HKDC1: variants seen among roughly 807,000 people sequenced by gnomAD.
HKDC1 encodes hexokinase domain containing 1, also known as hexokinase HKDC1.
A neutral mutation model predicts 96.6 loss-of-function variants in HKDC1; 66 were observed. The observed-to-expected ratio is 0.68, with a 90% CI of 0.56 to 0.84. HKDC1 has a LOEUF of 0.84. Among genes scored for constraint, HKDC1 ranks in the 40% least tolerant of loss-of-function variants. HKDC1 has a pLI of 0.00. For missense variants in HKDC1, 1,211 were observed against 1,208.1 expected (o/e 1.00, Z -0.04); for synonymous variants, 466 against 473.1 (o/e 0.98, Z 0.20).
chr10:69,263,368 G>A (rs1210715611), intron 16 of HKDC1, among the ~76,000 whole-genome samples: 1 of 152,102 alleles, frequency 6.6e-6, no homozygotes, highest in Non-Finnish European at 1.5e-5. Context: ...CAAAGTGGTA[G>A]GATTACAGGC....
chr10:69,249,843 G>T (rs1015242646), intron 10 of HKDC1, among the ~76,000 whole-genome samples: 1 of 152,186 alleles, frequency 6.6e-6, no homozygotes, highest in African/African-American at 2.4e-5. Context: ...TTGACTGGAT[G>T]CCCTGTACCG....
At position 69,227,291 on chromosome 10, in the gene HKDC1, G is replaced by A. The variant is rs915524808; in HGVS notation, c.148G>A (p.Gly50Ser). Residue 50 changes from glycine (G) to serine (S), a missense_variant, in exon 2 of 18, where the codon GGC (glycine) becomes AGC (serine). Gly to Ser is a moderately conservative substitution (Grantham distance 56). Transcript: ENST00000354624. Reference protein sequence around the residue: ...MRRFRAEMEKGLAKDTNPTAA... With the variant: ...MRRFRAEMEKSLAKDTNPTAA... ...GCGGTTCCGGGCTGAGATGGAGAAG[G>A]GCCTGGCAAAGGACACCAACCCCAC... is the stretch of plus-strand genomic sequence containing the variant. 1.2e-6 allele frequency: 2 copies of A among 1,614,058 alleles called. No individual in the cohort carries two copies. Among genetic ancestry groups the A allele is most frequent in the African/African-American group, 2.7e-5 (2 of 74,908 alleles).
intron 1 of HKDC1, among the ~76,000 whole-genome samples, chr10:69,225,490 T>C (rs1843141476): frequency 6.6e-6 from 1 of 152,130 alleles, no homozygotes; most frequent in African/African-American, 2.4e-5. Context: ...AAAGCTCAAT[T>C]GTCCTTTTTT....
intron 7 of HKDC1, 71 bp downstream of exon 7, chr10:69,243,436 C>G: frequency 7.5e-7 from 1 of 1,332,642 alleles, no homozygotes; most frequent in African/African-American, 1.5e-5. Flanking sequence ...CCCCTGGCTA[C>G]CTGGGAGGCT....
At chr10:69,234,484 G>T (rs117628047) in intron 4 of HKDC1, among the ~76,000 whole-genome samples, 2,863 of 152,318 alleles carry the variant, frequency 0.019, 72 homozygotes, top group South Asian at 0.084. Context: ...CAAACTCCTG[G>T]GTTTAAGTAA....
chr10:69,221,229 G>A (rs962453361), intron 1 of HKDC1, among the ~76,000 whole-genome samples: 5 of 152,182 alleles, frequency 3.3e-5, no homozygotes, highest in Non-Finnish European at 5.9e-5. Flanking sequence ...GAAGGTGTGA[G>A]TTGCAATAGA....
At chr10:69,230,761 A>C in intron 2 of HKDC1, among the ~76,000 whole-genome samples, 1 of 152,160 alleles carries the variant, frequency 6.6e-6, no homozygotes, top group East Asian at 1.9e-4. Context: ...CTACAGGTGC[A>C]TGCCACTACG....
At chr10:69,237,277 T>TTGTG (rs71035080) in intron 4 of HKDC1, among the ~76,000 whole-genome samples, 26,940 of 144,914 alleles carry the variant, frequency 0.19, 2,571 homozygotes, top group South Asian at 0.3. Flanking sequence ...AGAAATTTCT[T>TTGTG]TGTGTGTGTG....
intron 12 of HKDC1, 135 bp downstream of exon 12, chr10:69,250,787 G>C (rs1843630062): frequency 1.1e-6 from 1 of 919,926 alleles, no homozygotes; most frequent in Non-Finnish European, 1.6e-6. Flanking sequence ...ACACATGATA[G>C]AGAATTTCAA....
At chr10:69,250,208 C>A in intron 10 of HKDC1, 82 bp from the exon 11 acceptor site, 1 of 1,501,244 alleles carries the variant, frequency 6.7e-7, no homozygotes, top group Non-Finnish European at 9.1e-7. Flanking sequence ...TGGGTCCGCT[C>A]TGCTCCGACG....
At chr10:69,248,027 C>T (rs1407212981) in intron 9 of HKDC1, among the ~76,000 whole-genome samples, 1 of 152,168 alleles carries the variant, frequency 6.6e-6, no homozygotes, top group Admixed American at 6.5e-5. Context: ...GGTAGGAAAA[C>T]ACAGGGAAAT....
intron 4 of HKDC1, among the ~76,000 whole-genome samples, chr10:69,233,669 C>T (rs575905685): frequency 9.3e-5 from 14 of 150,852 alleles, no homozygotes; most frequent in Admixed American, 5.9e-4. Flanking sequence ...GAGGCCGAGG[C>T]GGGCGGATCA....
At chr10:69,227,118 C>T in intron 1 of HKDC1, 89 bp from the exon 2 acceptor site, 30 of 1,424,136 alleles carry the variant, frequency 2.1e-5, no homozygotes, top group Non-Finnish European at 2.8e-5. Context: ...GTCAGGAATG[C>T]AGCTTGCTGA....
intron 2 of HKDC1, among the ~76,000 whole-genome samples, chr10:69,228,725 G>A (rs1589402647): frequency 6.6e-6 from 1 of 152,132 alleles, no homozygotes. Flanking sequence ...AATTAGCCAG[G>A]TGTGATGGCA....
chr10:69,237,277 T>TTGTCTGTGTGTGTG (rs377104081), intron 4 of HKDC1, among the ~76,000 whole-genome samples: 3 of 145,598 alleles, frequency 2.1e-5, no homozygotes, highest in Non-Finnish European at 4.5e-5. Flanking sequence ...AGAAATTTCT[T>TTGTCTGTGTGTGTG]TGTGTGTGTG....
At chr10:69,252,600 G>A (rs537561637) in intron 12 of HKDC1, among the ~76,000 whole-genome samples, 3 of 149,166 alleles carry the variant, frequency 2.0e-5, no homozygotes, top group Non-Finnish European at 3.0e-5. Flanking sequence ...AGCTGAGATC[G>A]TGCCACTGCA....
At position 69,258,836 on chromosome 10, in the gene HKDC1, G is replaced by A. The variant is rs781046015; in HGVS notation, c.2093G>A (p.Gly698Asp). 70 of 1,613,960 alleles carry A rather than the reference G, an allele frequency of 4.3e-5. No individual in the cohort carries two copies. Among genetic ancestry groups the A allele is most frequent in the Non-Finnish European group, 5.3e-5 (62 of 1,179,996 alleles). ...DMRNIEMVEG[G>D]EGKMCINTEW... ...AGGAACATCGAGATGGTGGAGGGGG[G>A]TGAAGGGAAGATGTGCATCAATACA... The change falls in exon 15 of 18, where the codon GGT becomes GAT. Residue 698 changes from glycine (G) to aspartate (D), a missense_variant. Physicochemically the swap from Gly to Asp is moderately conservative, Grantham distance 94. Coordinates refer to ENST00000354624, the MANE Select transcript of HKDC1 (RefSeq NM_025130.4).
Position 69,246,186 on chromosome 10 carries a change from T to C in HKDC1, c.983T>C (p.Leu328Pro). Reference protein sequence around the residue: ...LLFGGEKSSALHTKGKIETRH... With the variant: ...LLFGGEKSSAPHTKGKIETRH... ...TTTGGTGGTGAGAAATCTTCTGCTC[T>C]CCACACTAAGGGCAAGATCGAAACA... Residue 328 changes from leucine to proline, a missense_variant, in exon 8 of 18, where the codon CTC becomes CCC. Coordinates refer to ENST00000354624, the MANE Select transcript of HKDC1 (RefSeq NM_025130.4). 1 of 1,614,196 alleles carries C rather than the reference T, an allele frequency of 6.2e-7. No individual in the cohort carries two copies. The highest frequency in any genetic ancestry group is 8.5e-7 in the Non-Finnish European group (1 of 1,180,038).
rs561880430 is a variant in HKDC1 at position 69,220,924 on chromosome 10, C to A, written c.63+426C>A. On this transcript the variant is annotated intron_variant, in intron 1 of 17. Transcript: ENST00000354624. ...TAGCACTTTAGGAGGCCGAGGTGGG[C>A]GGATTACCTGAGGTCAGGAGTTCGA... is the stretch of plus-strand genomic sequence containing the variant. Among the ~76,000 whole-genome samples the A allele has an allele frequency of 2.4e-4, 36 of 152,176 alleles. No individual in the cohort carries two copies. The South Asian group carries it at 6.8e-3, about 29-fold the overall frequency.
Sources: allele counts gnomAD v4.1 joint callset (sites outside exome capture counted in the v4.1 genomes callset), GRCh38; gene constraint gnomAD v4.1.1; transcripts MANE v1.5; gene names NCBI Gene and HGNC (gene_info 2026-07-23, HGNC 2026-07-21).